MAML1: variants seen among roughly 807,000 people sequenced by gnomAD.
The protein encoded by MAML1 is mastermind-like protein 1.
Under a neutral mutation model 77.1 loss-of-function variants are expected in MAML1, and 14 were observed. The ratio of observed to expected loss-of-function variants is 0.18; its 90% confidence interval spans 0.12 to 0.28. The LOEUF is 0.28. Ranked by LOEUF, MAML1 falls within the 10% of genes least tolerant of loss-of-function variation. The pLI, the probability that MAML1 is intolerant of heterozygous loss-of-function variation, is 1.00. For synonymous variants in MAML1, 516 were observed against 551.9 expected (o/e 0.93, Z 0.91); for missense variants, 1,217 against 1,327.8 (o/e 0.92, Z 1.30).
At chr5:179,768,312 C>T (rs1446646875) in intron 2 of MAML1, among the ~76,000 whole-genome samples, 8 of 152,186 alleles carry the variant, frequency 5.3e-5, no homozygotes. Flanking sequence ...ACAAAATTAG[C>T]CAGGTGTGGT....
rs1779635263 is a variant in MAML1 at position 179,757,061 on chromosome 5, C to A, written c.316-8265C>A. On this transcript the variant is annotated intron_variant, in intron 1 of 4. Coordinates refer to ENST00000292599, the MANE Select transcript of MAML1 (RefSeq NM_014757.5). ...TCTTGAACTCCTGAGCTCAAGGAAC[C>A]ACCCACCCGCAGCCTCCCAAAGTGC... is the stretch of plus-strand genomic sequence containing the variant. 2.0e-5 allele frequency among the ~76,000 whole-genome samples: 3 copies of A among 152,046 alleles called. 1 individual carries two copies. In the South Asian group the frequency reaches 6.2e-4, roughly 32 times the overall value.
intron 1 of MAML1, among the ~76,000 whole-genome samples, chr5:179,753,108 A>G (rs1256933589): frequency 3.9e-5 from 6 of 151,946 alleles, no homozygotes; most frequent in African/African-American, 7.3e-5. Flanking sequence ...TCACTTCACA[A>G]TCATTGGAAC....
At position 179,776,486 on chromosome 5, in the gene MAML1, G is replaced by A. The variant is rs1010916004; in HGVS notation, c.*1609G>A. 30 of 985,558 alleles carry A rather than the reference G, an allele frequency of 3.0e-5. No individual in the cohort carries two copies. The highest frequency in any genetic ancestry group is 6.2e-5 in the Admixed American group (1 of 16,252). The allele number at this position is 985,558 out of a possible 1,614,324, so 61.1% of individuals were successfully genotyped here. A position where few individuals can be genotyped will look rare whatever the true frequency, so the allele number is the denominator to read the frequency against. ...CATTTGCCACCCCAAGTGGTATGTCGGCCATTTCTCCTTAAAACACCTTCC... is the reference window on the plus strand; with the variant it reads ...CATTTGCCACCCCAAGTGGTATGTCAGCCATTTCTCCTTAAAACACCTTCC... On this transcript the variant is annotated 3_prime_UTR_variant, in exon 5 of 5. Coordinates refer to ENST00000292599, the MANE Select transcript of MAML1 (RefSeq NM_014757.5).
chr5:179,747,935 A>G lies in MAML1; in HGVS notation c.315+14508A>G, dbSNP rs1779413252. On this transcript the variant is annotated intron_variant, in intron 1 of 4. Coordinates refer to ENST00000292599, the MANE Select transcript of MAML1 (RefSeq NM_014757.5). ...TATTGCATGATTCTACTTATTTGAG[A>G]TGTCTAAAATAAACTCATAGAAACA... Among the ~76,000 whole-genome samples, 4 of 151,904 alleles carry G rather than the reference A, an allele frequency of 2.6e-5. No homozygotes were observed. In the South Asian group the frequency reaches 8.3e-4, roughly 32 times the overall value.
In MAML1 at chr5:179,771,273, CA is replaced by C; in HGVS notation, c.2068+31del. 3 of 1,586,070 alleles carry C rather than the reference CA, an allele frequency of 1.9e-6. No homozygotes were observed. Among genetic ancestry groups the C allele is most frequent in the Non-Finnish European group, 2.6e-6 (3 of 1,154,550 alleles). ...GGGGTGTCTGTGTGACGAGCAGGGA[CA>C]GGGGAGGCCGCTGCCTGGTGCTGGT... On this transcript the variant is annotated intron_variant, in intron 4 of 4. Transcript: ENST00000292599. The surrounding 1 kb of genome is among the most constrained non-coding windows in gnomAD (Gnocchi z 4.7).
Position 179,771,661 on chromosome 5 carries a change from A to G in MAML1, c.2068+418A>G, listed in dbSNP as rs140761214. 4.0e-4 allele frequency among the ~76,000 whole-genome samples: 61 copies of G among 152,302 alleles called. No individual in the cohort carries two copies. Among genetic ancestry groups the G allele is most frequent in the Non-Finnish European group, 6.9e-4 (47 of 68,036 alleles). ...CTTCTTTCTCTCCTCCTGTCTGCTCACTTGAATATCACAGATGGCAGCATC... is the reference window on the plus strand; with the variant it reads ...CTTCTTTCTCTCCTCCTGTCTGCTCGCTTGAATATCACAGATGGCAGCATC... On this transcript the variant is annotated intron_variant, in intron 4 of 4. Transcript: ENST00000292599. This position sits in a 1 kb window ranked among gnomAD's most constrained non-coding sequence, Gnocchi z 4.7.
Position 179,774,463 on chromosome 5 carries a change from G to A in MAML1, c.2637G>A (p.Pro879=), listed in dbSNP as rs72807324. The part of the protein sequence containing the change: ...QQQAHLKMSS[P]QFSQAVPNRP... ...AGGCCCACCTGAAAATGTCTAGCCC[G>A]CAATTCTCCCAGGCAGTGCCCAACA... Residue 879 remains proline (P), a synonymous_variant, in exon 5 of 5, where the codon CCG becomes CCA. Transcript: ENST00000292599. 20,518 of 1,613,246 alleles carry A rather than the reference G, an allele frequency of 0.013. 179 individuals are homozygous for A. The highest frequency in any genetic ancestry group is 0.018 in the Middle Eastern group (112 of 6,062).
chr5:179,772,192 C>T (rs1756009903), intron 4 of MAML1, among the ~76,000 whole-genome samples: 1 of 152,210 alleles, frequency 6.6e-6, no homozygotes, highest in African/African-American at 2.4e-5. Context: ...GATCTTGGCT[C>T]ACTACAACCT....
chr5:179,756,122 T>C (rs1450059758), intron 1 of MAML1, among the ~76,000 whole-genome samples: 1 of 151,180 alleles, frequency 6.6e-6, no homozygotes, highest in Admixed American at 6.6e-5. Flanking sequence ...CCGAGCTAAA[T>C]CTTAAAACAT....
chr5:179,771,065 C>T lies in MAML1; in HGVS notation c.1972-82C>T. The T allele has an allele frequency of 9.6e-7, 1 of 1,045,648 alleles. No individual in the cohort carries two copies. Among genetic ancestry groups the T allele is most frequent in the East Asian group, 2.4e-5 (1 of 41,718 alleles). 64.8% of individuals were successfully genotyped at this position (1,045,648 alleles called of 1,614,324 possible). A position where few individuals can be genotyped will look rare whatever the true frequency, so the allele number is the denominator to read the frequency against. ...GTGAGTAACAAACTTGGATAAGTTA[C>T]TTTTCTCTGACCTCCCTCACTCCCT... is the stretch of plus-strand genomic sequence containing the variant. On this transcript the variant is annotated intron_variant, in intron 3 of 4. Transcript: ENST00000292599. This position sits in a 1 kb window ranked among gnomAD's most constrained non-coding sequence, Gnocchi z 4.7.
chr5:179,736,823 AT>A (rs1280239286), intron 1 of MAML1, among the ~76,000 whole-genome samples: 1 of 151,930 alleles, frequency 6.6e-6, no homozygotes, highest in Non-Finnish European at 1.5e-5. Flanking sequence ...TTAGCTGGGC[AT>A]GTGGCGTGCG....
chr5:179,757,634 C>T (rs918589743), intron 1 of MAML1, among the ~76,000 whole-genome samples: 1 of 152,112 alleles, frequency 6.6e-6, no homozygotes, highest in Non-Finnish European at 1.5e-5. Flanking sequence ...TCTAACCCAG[C>T]CATCTTCAGG....
At chr5:179,764,458 C>G (rs1230361025) in intron 1 of MAML1, among the ~76,000 whole-genome samples, 1 of 151,408 alleles carries the variant, frequency 6.6e-6, no homozygotes, top group African/African-American at 2.4e-5. Context: ...GTCTGGAGTT[C>G]AAGACCAGTC....
chr5:179,737,504 A>G (rs926900582), intron 1 of MAML1, among the ~76,000 whole-genome samples: 1 of 152,206 alleles, frequency 6.6e-6, no homozygotes, highest in Non-Finnish European at 1.5e-5. Flanking sequence ...AACTCCATGT[A>G]TTTGATCTCA....
intron 2 of MAML1, 92 bp from the exon 3 acceptor site, chr5:179,768,758 C>A: frequency 1.3e-6 from 2 of 1,500,060 alleles, no homozygotes; most frequent in Non-Finnish European, 1.8e-6. Flanking sequence ...AGAGACTTGG[C>A]TTCAAGAGAG....
At chr5:179,751,085 T>C (rs1404602620) in intron 1 of MAML1, among the ~76,000 whole-genome samples, 2 of 152,226 alleles carry the variant, frequency 1.3e-5, no homozygotes, top group Non-Finnish European at 2.9e-5. Flanking sequence ...GCGATTCTCC[T>C]GTCTCAGCCT....
intron 4 of MAML1, among the ~76,000 whole-genome samples, chr5:179,772,784 C>A (rs1175178192): frequency 6.6e-5 from 10 of 152,190 alleles, no homozygotes; most frequent in Non-Finnish European, 8.8e-5. Context: ...CTCCACCCCC[C>A]ATTCCCACAT....
chr5:179,743,313 A>G (rs1393062736), intron 1 of MAML1, among the ~76,000 whole-genome samples: 2 of 150,446 alleles, frequency 1.3e-5, no homozygotes, highest in African/African-American at 2.4e-5. Context: ...CCGCCTCCCA[A>G]AGTGCTGGGA....
chr5:179,745,850 A>G (rs1282653915), intron 1 of MAML1, among the ~76,000 whole-genome samples: 1 of 108,644 alleles, frequency 9.2e-6, no homozygotes, highest in African/African-American at 3.8e-5. Context: ...ACAGAGCGCA[A>G]CTCCGTCTCA....
Sources: allele counts gnomAD v4.1 joint callset (sites outside exome capture counted in the v4.1 genomes callset), GRCh38; gene constraint gnomAD v4.1.1; non-coding constraint Gnocchi (gnomAD v3.1); transcripts MANE v1.5; gene names NCBI Gene and HGNC (gene_info 2026-07-23, HGNC 2026-07-21).